HHAT: variants seen among roughly 807,000 people sequenced by gnomAD.
HHAT encodes the protein hedgehog acyltransferase, also known as protein-cysteine N-palmitoyltransferase HHAT.
A neutral mutation model predicts 70.8 loss-of-function variants in HHAT; 47 were observed. The ratio of observed to expected loss-of-function variants is 0.66; its 90% confidence interval spans 0.53 to 0.85. HHAT has a LOEUF of 0.85. Ranked by LOEUF, HHAT falls within the 40% of genes least tolerant of loss-of-function variation. HHAT has a pLI of 0.00. For synonymous variants in HHAT, 228 were observed against 247.6 expected (o/e 0.92, Z 0.74); for missense variants, 609 against 604.8 (o/e 1.01, Z -0.07).
chr1:210,520,275 A>G (rs1006333467), intron 9 of HHAT, among the ~76,000 whole-genome samples: 3 of 152,154 alleles, frequency 2.0e-5, no homozygotes, highest in Non-Finnish European at 4.4e-5. Flanking sequence ...TCAGCCTCCC[A>G]AAGTGCTGGG....
At chr1:210,577,560 G>A (rs910931139) in intron 9 of HHAT, among the ~76,000 whole-genome samples, 5 of 150,284 alleles carry the variant, frequency 3.3e-5, no homozygotes, top group Non-Finnish European at 5.9e-5. Flanking sequence ...TTCTTTCAAC[G>A]TACTGTTGAA....
chr1:210,518,506 T>C (rs2095098862), intron 9 of HHAT, among the ~76,000 whole-genome samples: 1 of 152,124 alleles, frequency 6.6e-6, no homozygotes, highest in South Asian at 2.1e-4. Context: ...AAACATTTTA[T>C]TTGGCCCCAG....
chr1:210,561,046 T>A (rs1162287437), intron 9 of HHAT, among the ~76,000 whole-genome samples: 1 of 152,006 alleles, frequency 6.6e-6, no homozygotes, highest in Non-Finnish European at 1.5e-5. Context: ...GTGGTGAAAA[T>A]GGTCATCTCC....
At chr1:210,631,010 A>AT (rs757165868) in intron 11 of HHAT, 15 of 449,224 alleles carry the variant, frequency 3.3e-5, no homozygotes, top group African/African-American at 1.0e-4. Context: ...GTTTATTTTT[A>AT]TTTTTTTTAC....
At chr1:210,670,599 G>A (rs1474196702) in intron 11 of HHAT, among the ~76,000 whole-genome samples, 2 of 152,074 alleles carry the variant, frequency 1.3e-5, no homozygotes, top group East Asian at 3.9e-4. Flanking sequence ...GACTTCATTT[G>A]GAATCACCAT....
chr1:210,441,995 C>T (rs1398679151), intron 7 of HHAT, among the ~76,000 whole-genome samples: 1 of 108,542 alleles, frequency 9.2e-6, no homozygotes, highest in Non-Finnish European at 1.8e-5. Context: ...TGCTATCCCT[C>T]CCCCCTCCCC....
At chr1:210,466,681 A>G (rs2094115275) in intron 8 of HHAT, among the ~76,000 whole-genome samples, 1 of 152,200 alleles carries the variant, frequency 6.6e-6, no homozygotes, top group South Asian at 2.1e-4. Context: ...CATGTCCATA[A>G]ATACCAACCC....
At chr1:210,423,755 A>G (rs532082218) in intron 7 of HHAT, among the ~76,000 whole-genome samples, 5 of 152,290 alleles carry the variant, frequency 3.3e-5, no homozygotes, top group Middle Eastern at 3.4e-3. Flanking sequence ...TCTTCTGCAT[A>G]TGGGTATCCA....
At chr1:210,658,050 C>T (rs529281732) in intron 11 of HHAT, among the ~76,000 whole-genome samples, 31 of 152,304 alleles carry the variant, frequency 2.0e-4, no homozygotes, top group African/African-American at 4.8e-4. Flanking sequence ...CCTTCAGTCT[C>T]GTCTTTGTTT....
chr1:210,395,585 C>A (rs975038218), intron 4 of HHAT, among the ~76,000 whole-genome samples: 24 of 152,152 alleles, frequency 1.6e-4, no homozygotes, highest in African/African-American at 5.8e-4. Flanking sequence ...TTTCCCCCAA[C>A]AGAAGTGGAG....
chr1:210,345,935 A>C (rs917556250), intron 1 of HHAT, among the ~76,000 whole-genome samples: 2 of 151,882 alleles, frequency 1.3e-5, no homozygotes, highest in Non-Finnish European at 2.9e-5. Context: ...ATTGTGGTGC[A>C]TGCCTGTAAT....
chr1:210,415,614 G>A (rs1017684931), intron 6 of HHAT, among the ~76,000 whole-genome samples: 2 of 152,108 alleles, frequency 1.3e-5, no homozygotes, highest in Non-Finnish European at 2.9e-5. Flanking sequence ...TTCCTGAAGT[G>A]ACCTGAGGGA....
At chr1:210,562,925 C>A (rs527248548) in intron 9 of HHAT, among the ~76,000 whole-genome samples, 1 of 150,694 alleles carries the variant, frequency 6.6e-6, no homozygotes, top group Non-Finnish European at 1.5e-5. Flanking sequence ...TTTGTCCTTG[C>A]GATAGTTTGC....
In HHAT at chr1:210,400,575, G is replaced by T. The variant is rs899823202; in HGVS notation, c.381G>T (p.Val127=). Reference sequence around the variant, plus strand: ...TCCATACCACCATCTCTTTCTGCGTGGCCCAGTTCCGGTCTCAGCTCCTGA... The same window carrying T: ...TCCATACCACCATCTCTTTCTGCGTTGCCCAGTTCCGGTCTCAGCTCCTGA... ...VLLHTTISFC[V]AQFRSQLLTW... The change falls in exon 5 of 12, where the codon GTG becomes GTT. Residue 127 remains valine (V), a synonymous_variant. Coordinates refer to ENST00000261458, the MANE Select transcript of HHAT (RefSeq NM_018194.6). 30 of 1,613,946 alleles carry T rather than the reference G, an allele frequency of 1.9e-5. No homozygotes were observed. Among genetic ancestry groups the T allele is most frequent in the Non-Finnish European group, 2.5e-5 (29 of 1,180,018 alleles).
At chr1:210,507,476 T>G (rs1162431369) in intron 8 of HHAT, among the ~76,000 whole-genome samples, 1 of 149,358 alleles carries the variant, frequency 6.7e-6, no homozygotes, top group East Asian at 2.0e-4. Context: ...TTCTCCTGCC[T>G]CAGCCTCCCT....
At chr1:210,532,116 A>G (rs1419524329) in intron 9 of HHAT, among the ~76,000 whole-genome samples, 2 of 152,246 alleles carry the variant, frequency 1.3e-5, no homozygotes, top group Non-Finnish European at 2.9e-5. Flanking sequence ...TTTGCAGACA[A>G]TGTGTTTTTC....
chr1:210,538,316 T>C (rs12122837), intron 9 of HHAT, among the ~76,000 whole-genome samples: 19,991 of 152,092 alleles, frequency 0.13, 1,609 homozygotes, highest in South Asian at 0.21. Flanking sequence ...GAAGAAAGTT[T>C]CCACTGTAAT....
chr1:210,396,203 C>T (rs879816771), intron 4 of HHAT, among the ~76,000 whole-genome samples: 37 of 152,140 alleles, frequency 2.4e-4, no homozygotes, highest in Admixed American at 1.9e-3. Flanking sequence ...CCCTCTTCCC[C>T]GGCTTTCTGT....
rs147087343 is a variant in HHAT, at chr1:210,371,908, T to G, written c.159+8989T>G. 4.4e-3 allele frequency among the ~76,000 whole-genome samples: 663 copies of G among 152,282 alleles called. 7 individuals carry two copies. Among genetic ancestry groups the G allele is most frequent in the African/African-American group, 0.015 (641 of 41,546 alleles). On this transcript the variant is annotated intron_variant, in intron 3 of 11. Coordinates refer to ENST00000261458, the MANE Select transcript of HHAT (RefSeq NM_018194.6). ...GAGTTCGATGCAAAGATGAAGACAT[T>G]CCCACTGTTGAGAATGGTGAGAAAT... is the stretch of plus-strand genomic sequence containing the variant.
Sources: gnomAD v4.1 joint callset for allele counts (sites outside exome capture counted in the v4.1 genomes callset) on GRCh38, gnomAD v4.1.1 for gene constraint, MANE v1.5 for transcripts, NCBI Gene and HGNC (gene_info 2026-07-23, HGNC 2026-07-21) for gene names.